Variants in PHAX observed in about 807,000 individuals in gnomAD.
PHAX encodes the protein phosphorylated adapter RNA export protein.
In PHAX, 31 loss-of-function variants were observed where a neutral mutation model predicts 41.6. The observed-to-expected ratio is 0.75, with a 90% CI of 0.56 to 1.01. PHAX has a LOEUF of 1.01. Among genes scored for constraint, PHAX ranks in the 50% least tolerant of loss-of-function variants. PHAX has a pLI of 0.00. For missense variants in PHAX, 453 were observed against 472.9 expected, an observed-to-expected ratio of 0.96 and a Z score of 0.39; for synonymous variants, 175 against 164.9, an observed-to-expected ratio of 1.06 and a Z score of -0.47.
At chr5:126,601,335 G>C (rs1328054388) in intron 1 of PHAX, among the ~76,000 whole-genome samples, 2 of 152,018 alleles carry the variant, frequency 1.3e-5, no homozygotes, top group African/African-American at 2.4e-5. Context: ...CCTGCGAGGC[G>C]GGGCGCGCGA....
At chr5:126,622,442 ATTTTTTTTTTTTTTT>A (rs56297404) in intron 4 of PHAX, among the ~76,000 whole-genome samples, 3 of 56,070 alleles carry the variant, frequency 5.4e-5, no homozygotes, top group East Asian at 6.8e-4. Context: ...TAATTTTTGT[ATTTTTTTTTTTTTTT>A]TTTTTTTTTT....
intron 2 of PHAX, among the ~76,000 whole-genome samples, chr5:126,607,479 A>G (rs1312753751): frequency 6.9e-6 from 1 of 144,084 alleles, no homozygotes; most frequent in Non-Finnish European, 1.5e-5. Context: ...GCTCACTGCA[A>G]CCTCTGCCTC....
Position 126,617,346 on chromosome 5 carries a change from T to G in PHAX, c.915+13T>G, listed in dbSNP as rs555987457. The G allele has an allele frequency of 6.7e-7, 1 of 1,499,110 alleles. No individual in the cohort carries two copies. The highest frequency in any genetic ancestry group is 1.4e-5 in the African/African-American group (1 of 72,684). 92.9% of individuals were successfully genotyped at this position (1,499,110 alleles called of 1,614,324 possible). A position where few individuals can be genotyped will look rare whatever the true frequency, so the allele number is the denominator to read the frequency against. On this transcript the variant is annotated intron_variant, in intron 4 of 4. Coordinates refer to ENST00000297540, the MANE Select transcript of PHAX (RefSeq NM_032177.4). ...GGAACAAATTAAGGTAATGATAATG[T>G]CCTCACCTCTTAAGCGCCATCATAA... is the stretch of plus-strand genomic sequence containing the variant.
intron 2 of PHAX, among the ~76,000 whole-genome samples, chr5:126,606,171 T>G (rs565729457): frequency 4.1e-4 from 62 of 152,096 alleles, no homozygotes; most frequent in African/African-American, 1.4e-3. Flanking sequence ...TTTTGTTTTT[T>G]TGTGTGTGTG....
intron 3 of PHAX, among the ~76,000 whole-genome samples, chr5:126,611,583 C>G (rs1261253763): frequency 2.6e-5 from 4 of 151,910 alleles, no homozygotes; most frequent in African/African-American, 9.7e-5. Flanking sequence ...TACAGGAGTT[C>G]GAGACCAGCC....
chr5:126,601,356 C>T (rs911301839), intron 1 of PHAX, among the ~76,000 whole-genome samples: 3 of 152,186 alleles, frequency 2.0e-5, no homozygotes, highest in African/African-American at 7.2e-5. Flanking sequence ...GCCCTGGCGC[C>T]TCCTGGAGGC....
intron 1 of PHAX, among the ~76,000 whole-genome samples, chr5:126,602,477 T>C (rs1265150003): frequency 1.3e-5 from 2 of 152,258 alleles, no homozygotes; most frequent in Non-Finnish European, 2.9e-5. Context: ...CAGTGTGCAG[T>C]AATGCCTGGT....
intron 3 of PHAX, among the ~76,000 whole-genome samples, chr5:126,614,796 A>T (rs1000986069): frequency 3.9e-5 from 6 of 151,900 alleles, no homozygotes; most frequent in African/African-American, 1.5e-4. Flanking sequence ...TCGCTCTGTC[A>T]CCCAGGCTAG....
chr5:126,624,372 A>C (rs1177870728), intron 4 of PHAX, among the ~76,000 whole-genome samples: 2 of 152,078 alleles, frequency 1.3e-5, no homozygotes, highest in Non-Finnish European at 2.9e-5. Flanking sequence ...TGGGCCCTAA[A>C]CCTAACACTA....
intron 4 of PHAX, among the ~76,000 whole-genome samples, chr5:126,621,926 A>G (rs539089298): frequency 6.6e-6 from 1 of 152,318 alleles, no homozygotes; most frequent in African/African-American, 2.4e-5. Flanking sequence ...TTAAATTCAT[A>G]ACGCATGGGA....
chr5:126,624,753 TTGA>T lies in PHAX; in HGVS notation c.1098_1100del (p.Asp366del), dbSNP rs774332302. The T allele has an allele frequency of 1.2e-6, 2 of 1,614,202 alleles. No individual in the cohort carries two copies. Among genetic ancestry groups the T allele is most frequent in the South Asian group, 1.1e-5 (1 of 91,076 alleles). On this transcript the variant is annotated inframe_deletion, in exon 5 of 5. Coordinates refer to ENST00000297540, the MANE Select transcript of PHAX (RefSeq NM_032177.4). ...GACACGAATGAGGCCTTGGCCTCTCTTGATGAGTCACAGGAAGGACATGCAGAA... is the reference window on the plus strand; with the variant it reads ...GACACGAATGAGGCCTTGGCCTCTCTTGAGTCACAGGAAGGACATGCAGAA...
In PHAX at chr5:126,626,736, A is replaced by G. The variant is rs1479619334; in HGVS notation, c.*1892A>G. On this transcript the variant is annotated 3_prime_UTR_variant, in exon 5 of 5. Transcript: ENST00000297540. ...TGGCGACAGAGCGAGACTCCCTCTC[A>G]AAAAAAAAAAAAAAAATACAAAAAA... is the stretch of plus-strand genomic sequence containing the variant. The G allele has an allele frequency of 1.4e-5, 1 of 73,478 alleles. No homozygotes were observed. Among genetic ancestry groups the G allele is most frequent in the East Asian group, 5.9e-4 (1 of 1,696 alleles). 4.6% of individuals were successfully genotyped at this position (73,478 alleles called of 1,614,324 possible). A position where few individuals can be genotyped will look rare whatever the true frequency, so the allele number is the denominator to read the frequency against.
chr5:126,622,142 G>GT (rs1752282037), intron 4 of PHAX, among the ~76,000 whole-genome samples: 1 of 151,482 alleles, frequency 6.6e-6, no homozygotes, highest in Admixed American at 6.6e-5. Flanking sequence ...TTGTTTGTTT[G>GT]TTTGTTTTTT....
chr5:126,601,154 TAGGAGCCCGGGCCAGAGCG>T (rs1221990939), intron 1 of PHAX, 96 bp downstream of exon 1: 10 of 847,344 alleles, frequency 1.2e-5, no homozygotes, highest in Non-Finnish European at 1.9e-5. Context: ...GGGTGGGAGC[TAGGAGCCCGGGCCAGAGCG>T]AGGAGCCCAG....
chr5:126,624,229 CA>C (rs1752313100), intron 4 of PHAX, among the ~76,000 whole-genome samples: 1 of 151,856 alleles, frequency 6.6e-6, no homozygotes, highest in Non-Finnish European at 1.5e-5. Flanking sequence ...GGCTGGTCTG[CA>C]ACTCCTGACC....
At chr5:126,606,936 C>T (rs559328130) in intron 2 of PHAX, among the ~76,000 whole-genome samples, 3 of 152,328 alleles carry the variant, frequency 2.0e-5, no homozygotes, top group Admixed American at 2.0e-4. Context: ...GGATTACAGG[C>T]ATGAGCCACC....
In PHAX at chr5:126,603,623, A is replaced by G. The variant is rs200780519; in HGVS notation, c.150A>G (p.Ala50=). 75 of 1,614,202 alleles carry G rather than the reference A, an allele frequency of 4.6e-5. No homozygotes were observed. The highest frequency in any genetic ancestry group is 1.8e-4 in the Admixed American group (11 of 60,024). ...GGGCCTTCCAGAACACGGCAACTGCATGTGCACCAGTATCACATTATCGAG... is the reference window on the plus strand; with the variant it reads ...GGGCCTTCCAGAACACGGCAACTGCGTGTGCACCAGTATCACATTATCGAG... ...AMRAFQNTAT[A]CAPVSHYRAV... Residue 50 remains alanine (A), a synonymous_variant, in exon 2 of 5, where the codon GCA becomes GCG. Transcript: ENST00000297540.
intron 1 of PHAX, among the ~76,000 whole-genome samples, chr5:126,603,244 A>G (rs973931683): frequency 1.8e-4 from 28 of 152,196 alleles, no homozygotes; most frequent in Non-Finnish European, 3.5e-4. Flanking sequence ...AAAAAAAGTA[A>G]CAATTATTAT....
chr5:126,602,140 G>A (rs923000822), intron 1 of PHAX, among the ~76,000 whole-genome samples: 1 of 145,878 alleles, frequency 6.9e-6, no homozygotes, highest in African/African-American at 2.5e-5. Context: ...AGAGACGGGG[G>A]TTCTCCATGT....
Sources: allele counts gnomAD v4.1 joint callset (sites outside exome capture counted in the v4.1 genomes callset), GRCh38; gene constraint gnomAD v4.1.1; transcripts MANE v1.5; gene names NCBI Gene and HGNC (gene_info 2026-07-23, HGNC 2026-07-21).